Variants in C5orf58 observed in about 807,000 individuals in gnomAD.
The protein encoded by C5orf58 is putative uncharacterized protein C5orf58.
In C5orf58, 2 loss-of-function variants were observed where a neutral mutation model predicts 2.9. The ratio of observed to expected loss-of-function variants is 0.69; its 90% CI spans 0.28 to 2.18. The LOEUF (loss-of-function observed/expected upper bound fraction) is 2.18, where lower values mean the gene tolerates loss of function less well. Among genes scored for constraint, C5orf58 ranks in the 30% most tolerant of loss-of-function variants. The probability of loss-of-function intolerance (pLI) is 0.13; values close to 1 mark genes in which losing one functional copy is unlikely to be tolerated. For synonymous variants in C5orf58, 37 were observed against 33.4 expected (o/e 1.11, Z -0.37); for missense variants, 96 against 91.7 (o/e 1.05, Z -0.19).
At chr5:170,250,748 A>G (rs201224616), downstream of C5orf58, 192 of 1,613,428 alleles carry the variant, frequency 1.2e-4, no homozygotes, top group Middle Eastern at 3.3e-4. Flanking sequence ...CTCGGAGTCC[A>G]GTTCCCAACA....
downstream of C5orf58, chr5:170,248,696 G>A (rs780170990): frequency 6.2e-7 from 1 of 1,611,832 alleles, no homozygotes; most frequent in Middle Eastern, 1.7e-4. Flanking sequence ...GCTATAACTT[G>A]CTATGGGTAC....
intron 3 of C5orf58, among the ~76,000 whole-genome samples, chr5:170,236,915 C>T (rs1026385071): frequency 3.0e-4 from 46 of 152,286 alleles, no homozygotes; most frequent in African/African-American, 1.1e-3. Context: ...CCCTGCTCAA[C>T]TGTAAGCTCC....
chr5:170,246,262 T>C, downstream of C5orf58: 1 of 664,472 alleles, frequency 1.5e-6, no homozygotes, highest in Non-Finnish European at 2.4e-6. Flanking sequence ...TTTAATGTTT[T>C]GAAGAATGGC....
chr5:170,237,930 C>T (rs1429047808), intron 3 of C5orf58, among the ~76,000 whole-genome samples: 1 of 152,144 alleles, frequency 6.6e-6, no homozygotes, highest in African/African-American at 2.4e-5. Flanking sequence ...AAAATACTGG[C>T]AGCCAGATTT....
In C5orf58 at chr5:170,235,049, T is replaced by G. The variant is rs1760685523; in HGVS notation, c.73T>G (p.Ser25Ala). The G allele has an allele frequency of 6.6e-7, 1 of 1,507,882 alleles. No individual in the cohort carries two copies. Among genetic ancestry groups the G allele is most frequent in the Non-Finnish European group, 9.1e-7 (1 of 1,096,622 alleles). 93.4% of individuals were successfully genotyped at this position (1,507,882 alleles called of 1,614,324 possible). A position where few individuals can be genotyped will look rare whatever the true frequency, so the allele number is the denominator to read the frequency against. ...AATTAAAAATATTAACACAATTTCTTCGGAGTTGAAGAAGATAAAAGGTAA... is the reference window on the plus strand; with the variant it reads ...AATTAAAAATATTAACACAATTTCTGCGGAGTTGAAGAAGATAAAAGGTAA... Reference protein sequence around the residue: ...KVIKNINTISSELKKIKELSQ... With the variant: ...KVIKNINTISAELKKIKELSQ... The change falls in exon 3 of 4, where the codon TCG becomes GCG. Residue 25 changes from serine to alanine, a missense_variant. Coordinates refer to ENST00000593851, the MANE Select transcript of C5orf58 (RefSeq NM_001102609.3).
intron 3 of C5orf58, among the ~76,000 whole-genome samples, chr5:170,240,463 C>T (rs1184566704): frequency 6.6e-6 from 1 of 151,776 alleles, no homozygotes; most frequent in African/African-American, 2.4e-5. Context: ...TTAATGATTG[C>T]CTTTCTAACT....
chr5:170,241,193 T>C (rs1456152370), intron 3 of C5orf58, among the ~76,000 whole-genome samples: 1 of 152,088 alleles, frequency 6.6e-6, no homozygotes, highest in African/African-American at 2.4e-5. Flanking sequence ...GTAGTATAGT[T>C]TGAAGTCAGG....
downstream of C5orf58, chr5:170,248,161 G>C (rs10039796): frequency 0.47 from 71,538 of 152,260 alleles, 17,066 homozygotes; most frequent in South Asian, 0.52. Context: ...ACGTAAAAAT[G>C]CCCCCAGGAA....
chr5:170,246,317 C>T, downstream of C5orf58: 1 of 425,836 alleles, frequency 2.3e-6, no homozygotes, highest in Non-Finnish European at 4.2e-6. Context: ...AGGAAATTGG[C>T]CATGGGTCAC....
downstream of C5orf58, chr5:170,250,757 C>T (rs754665101): frequency 1.2e-6 from 2 of 1,613,504 alleles, no homozygotes; most frequent in Non-Finnish European, 1.7e-6. Context: ...CAGTTCCCAA[C>T]AAGTAAACTT....
chr5:170,242,815 G>T (rs1761077582), intron 3 of C5orf58, among the ~76,000 whole-genome samples: 1 of 151,686 alleles, frequency 6.6e-6, no homozygotes, highest in Admixed American at 6.6e-5. Flanking sequence ...CTTGCCTTCT[G>T]CTAGCTTTTG....
intron 3 of C5orf58, among the ~76,000 whole-genome samples, chr5:170,238,903 C>T (rs1760856850): frequency 6.6e-6 from 1 of 152,140 alleles, no homozygotes; most frequent in African/African-American, 2.4e-5. Flanking sequence ...TGTCACCAAA[C>T]AAGGGAACAG....
chr5:170,235,197 A>G (rs1760693336), intron 3 of C5orf58, 127 bp downstream of exon 3: 1 of 589,830 alleles, frequency 1.7e-6, no homozygotes. Context: ...TTTCTTAACA[A>G]ATGTTTTCAG....
chr5:170,234,250 C>T (rs940759478), intron 2 of C5orf58, 52 bp downstream of exon 2: 3 of 1,081,142 alleles, frequency 2.8e-6, no homozygotes, highest in Non-Finnish European at 3.9e-6. Flanking sequence ...TGACTGCCCA[C>T]CTTTCACACT....
downstream of C5orf58, chr5:170,251,066 G>A: frequency 1.8e-6 from 1 of 549,964 alleles, no homozygotes; most frequent in Non-Finnish European, 3.2e-6. Context: ...CATATCCCAT[G>A]TGTCATGAGT....
rs945284562 is a variant in C5orf58 at position 170,235,022 on chromosome 5, G to A, written c.46G>A (p.Val16Ile). The A allele has an allele frequency of 2.6e-6, 4 of 1,552,090 alleles. No homozygotes were observed. The highest frequency in any genetic ancestry group is 1.4e-5 in the African/African-American group (1 of 73,588). The change falls in exon 3 of 4, where the codon GTA becomes ATA. Residue 16 changes from valine to isoleucine, a missense_variant. By Grantham distance (29) the Val-to-Ile change is conservative. Transcript: ENST00000593851. ...VTDHKLNVDK[V>I]IKNINTISSE... Reference sequence around the variant, plus strand: ...TGATCATAAGCTAAATGTGGACAAAGTAATTAAAAATATTAACACAATTTC... The same window carrying A: ...TGATCATAAGCTAAATGTGGACAAAATAATTAAAAATATTAACACAATTTC...
At chr5:170,252,327 C>T, downstream of C5orf58, 4 of 606,278 alleles carry the variant, frequency 6.6e-6, no homozygotes, top group South Asian at 6.5e-5. Flanking sequence ...CAGAAAGCAA[C>T]AGCACCTAGC....
chr5:170,233,014 A>C lies in C5orf58; in HGVS notation c.-85+7A>C. The C allele has an allele frequency of 1.0e-6, 1 of 979,490 alleles. No individual in the cohort carries two copies. Among genetic ancestry groups the C allele is most frequent in the South Asian group, 4.7e-5 (1 of 21,198 alleles). 60.7% of individuals were successfully genotyped at this position (979,490 alleles called of 1,614,324 possible). On this transcript the variant is annotated splice_region_variant and intron_variant, in intron 1 of 3. Transcript: ENST00000593851. ...CTCGGTGACGGTTGGCCAGGTGGGT[A>C]GTGACGGCTGCTCGGTCTTGAAGGA...
At chr5:170,236,355 G>A (rs1760740505) in intron 3 of C5orf58, among the ~76,000 whole-genome samples, 1 of 152,162 alleles carries the variant, frequency 6.6e-6, no homozygotes, top group African/African-American at 2.4e-5. Flanking sequence ...AATAGATGGT[G>A]TACAGTAGAA....
Sources: gnomAD v4.1 joint callset for allele counts (sites outside exome capture counted in the v4.1 genomes callset) on GRCh38, gnomAD v4.1.1 for gene constraint, MANE v1.5 for transcripts, NCBI Gene and HGNC (gene_info 2026-07-23, HGNC 2026-07-21) for gene names.